The following WARS2 variants were observed in gnomAD, a reference collection of about 807,000 sequenced individuals.
The protein encoded by WARS2 is tryptophanyl tRNA synthetase 2, mitochondrial.
Under a neutral mutation model 36.5 loss-of-function variants are expected in WARS2, and 28 were observed. The observed-to-expected ratio is 0.77, with a 90% CI of 0.57 to 1.05. The LOEUF is 1.05. WARS2 is among the 50% of genes least tolerant of loss of function. The probability of loss-of-function intolerance (pLI) is 0.00; values close to 1 mark genes in which losing one functional copy is unlikely to be tolerated. For missense variants in WARS2, 435 were observed against 456.8 expected (o/e 0.95, Z 0.44); for synonymous variants, 174 against 178.4 (o/e 0.98, Z 0.20).
chr1:119,043,064 T>C (rs1290254204), intron 3 of WARS2, among the ~76,000 whole-genome samples: 4 of 152,076 alleles, frequency 2.6e-5, no homozygotes, highest in Non-Finnish European at 4.4e-5. Context: ...GGGGGGGCAA[T>C]AGATGCTGAT....
chr1:119,123,300 G>GTGTT (rs1349868657), intron 1 of WARS2, among the ~76,000 whole-genome samples: 8 of 152,224 alleles, frequency 5.3e-5, no homozygotes, highest in African/African-American at 1.9e-4. Context: ...GGCCAGCAAT[G>GTGTT]TGTTGCCCAA....
At chr1:119,094,738 C>T (rs1459405146) in intron 1 of WARS2, among the ~76,000 whole-genome samples, 1 of 152,110 alleles carries the variant, frequency 6.6e-6, no homozygotes, top group African/African-American at 2.4e-5. Flanking sequence ...AAATACAGTA[C>T]AATTTTATTA....
intron 1 of WARS2, chr1:119,085,999 A>C: frequency 6.3e-7 from 1 of 1,597,020 alleles, no homozygotes; most frequent in Non-Finnish European, 8.6e-7. Context: ...TGCCCAGGCA[A>C]GGCAGTGTGG....
intron 1 of WARS2, among the ~76,000 whole-genome samples, chr1:119,130,202 A>G (rs1302763046): frequency 6.6e-6 from 1 of 152,196 alleles, no homozygotes. Context: ...TTATAAGTTG[A>G]AGAAAGCATA....
chr1:119,070,732 G>C (rs1233229609), intron 2 of WARS2, among the ~76,000 whole-genome samples: 2 of 151,900 alleles, frequency 1.3e-5, no homozygotes, highest in Non-Finnish European at 2.9e-5. Context: ...GACAGAGTGA[G>C]ACCCTGTCAT....
intron 1 of WARS2, chr1:119,085,575 A>G: frequency 6.3e-7 from 1 of 1,589,652 alleles, no homozygotes; most frequent in Non-Finnish European, 8.6e-7. Context: ...CTCTTTGGTC[A>G]CATCATCCAT....
intron 1 of WARS2, among the ~76,000 whole-genome samples, chr1:119,079,805 A>T (rs1462358740): frequency 6.6e-6 from 1 of 152,154 alleles, no homozygotes; most frequent in African/African-American, 2.4e-5. Flanking sequence ...GGAAACCCAA[A>T]TGATCTGTGG....
In WARS2 at chr1:119,116,993, C is replaced by A. The variant is rs142249923; in HGVS notation, c.90+23562G>T. ...CAGGCAGGGAGGTAAGAACTGAGAG[C>A]CCTGCTTGCTTTCTCAGCTGGGAGG... On this transcript the variant is annotated intron_variant, in intron 1 of 5. Transcript: ENST00000235521. Among the ~76,000 whole-genome samples, 347 of 152,272 alleles carry A rather than the reference C, an allele frequency of 2.3e-3. 1 individual carries two copies. Among genetic ancestry groups the A allele is most frequent in the African/African-American group, 7.8e-3 (323 of 41,558 alleles).
At chr1:119,138,346 C>T (rs1415910122) in intron 1 of WARS2, among the ~76,000 whole-genome samples, 4 of 152,124 alleles carry the variant, frequency 2.6e-5, no homozygotes, top group Non-Finnish European at 5.9e-5. Flanking sequence ...TTAATAACAG[C>T]ATTGTGGGAC....
At chr1:119,046,971 TTA>T (rs1648907599) in intron 2 of WARS2, among the ~76,000 whole-genome samples, 2 of 152,104 alleles carry the variant, frequency 1.3e-5, no homozygotes, top group Admixed American at 1.3e-4. Flanking sequence ...TTTCCTCAAG[TTA>T]TAGAGAGGGA....
chr1:119,125,880 C>T (rs1446299989), intron 1 of WARS2, among the ~76,000 whole-genome samples: 2 of 152,174 alleles, frequency 1.3e-5, no homozygotes, highest in Admixed American at 6.5e-5. Context: ...TCTCCTCAAC[C>T]TCAATCCTTT....
At position 119,033,144 on chromosome 1, in the gene WARS2, C is replaced by T. The variant is rs375889146; in HGVS notation, c.850G>A (p.Gly284Arg). ...CGCACCACTTCCTCCACGGAGAGCC[C>T]CGTCACCGCGGCATGCACCGCCACT... Reference protein sequence around the residue: ...NIVAVHAAVTGLSVEEVVRRS... With the variant: ...NIVAVHAAVTRLSVEEVVRRS... The change falls in exon 6 of 6, where the codon GGG becomes AGG. Residue 284 changes from glycine to arginine, a missense_variant. Coordinates refer to ENST00000235521, the MANE Select transcript of WARS2 (RefSeq NM_015836.4). The T allele has an allele frequency of 3.1e-6, 5 of 1,614,138 alleles. No individual in the cohort carries two copies. In the South Asian group the frequency reaches 3.3e-5, roughly 11 times the overall value.
chr1:119,136,861 C>T (rs899180156), intron 1 of WARS2, among the ~76,000 whole-genome samples: 3 of 152,180 alleles, frequency 2.0e-5, no homozygotes, highest in Non-Finnish European at 4.4e-5. Flanking sequence ...GGTGGCAATA[C>T]CTGCCTCAAG....
chr1:119,045,221 C>A (rs1648692335), intron 3 of WARS2, among the ~76,000 whole-genome samples: 1 of 152,130 alleles, frequency 6.6e-6, no homozygotes, highest in Non-Finnish European at 1.5e-5. Context: ...AACATTCTTT[C>A]CTTACTGCCA....
At chr1:119,056,713 C>A (rs1649845918) in intron 2 of WARS2, among the ~76,000 whole-genome samples, 1 of 151,956 alleles carries the variant, frequency 6.6e-6, no homozygotes, top group Non-Finnish European at 1.5e-5. Context: ...TCTCTCATGT[C>A]CCTTTGTACC....
chr1:119,109,086 A>C (rs1361861776), intron 1 of WARS2, among the ~76,000 whole-genome samples: 2 of 151,966 alleles, frequency 1.3e-5, no homozygotes, highest in East Asian at 3.8e-4. Context: ...AGATGTTGTA[A>C]CATTTCTATT....
intron 1 of WARS2, among the ~76,000 whole-genome samples, chr1:119,100,071 A>G (rs887887095): frequency 6.6e-6 from 1 of 152,268 alleles, no homozygotes. Flanking sequence ...ACTAATACCC[A>G]GAATATACAA....
intron 2 of WARS2, among the ~76,000 whole-genome samples, chr1:119,061,883 T>A (rs993660799): frequency 6.6e-6 from 1 of 152,152 alleles, no homozygotes; most frequent in Non-Finnish European, 1.5e-5. Flanking sequence ...CTAGGCAACA[T>A]TGCTTATGAT....
At chr1:119,056,186 A>ATTTTTTTTTTTTTTTTTTTT (rs751264352) in intron 2 of WARS2, among the ~76,000 whole-genome samples, 1 of 116,174 alleles carries the variant, frequency 8.6e-6, no homozygotes, top group Non-Finnish European at 1.7e-5. Context: ...TGCCTGGCTA[A>ATTTTTTTTTTTTTTTTTTTT]TTTTTTTTTT....
Sources: allele counts gnomAD v4.1 joint callset (sites outside exome capture counted in the v4.1 genomes callset), GRCh38; gene constraint gnomAD v4.1.1; transcripts MANE v1.5; gene names NCBI Gene and HGNC (gene_info 2026-07-23, HGNC 2026-07-21).